Variants in DMXL2 observed in about 807,000 individuals in gnomAD.
DMXL2 encodes dmX-like protein 2.
Under a neutral mutation model 331.1 loss-of-function variants are expected in DMXL2, and 103 were observed. The ratio of observed to expected loss-of-function variants is 0.31; its 90% CI spans 0.27 to 0.37. The LOEUF is 0.37. DMXL2 is among the 10% of genes least tolerant of loss of function. The pLI is 1.00. For synonymous variants in DMXL2, 1,281 were observed against 1,252.1 expected (o/e 1.02, Z -0.49); for missense variants, 3,171 against 3,642.9 (o/e 0.87, Z 3.33).
intron 16 of DMXL2, among the ~76,000 whole-genome samples, chr15:51,503,732 A>C (rs1183903843): frequency 6.6e-6 from 1 of 152,208 alleles, no homozygotes; most frequent in Non-Finnish European, 1.5e-5. Context: ...CCCAATCCGA[A>C]GAAACAATAA....
chr15:51,576,289 C>T, intron 1 of DMXL2, 108 bp from the exon 2 acceptor site: 1 of 827,214 alleles, frequency 1.2e-6, no homozygotes, highest in Non-Finnish European at 1.7e-6. Context: ...TAAAGTATAC[C>T]TTGGGACATT....
At chr15:51,456,461 T>G in intron 37 of DMXL2, 92 bp from the exon 38 acceptor site, 2 of 785,410 alleles carry the variant, frequency 2.5e-6, no homozygotes, top group Non-Finnish European at 4.0e-6. Context: ...TTTATTCTCT[T>G]ACACCTTGCT....
chr15:51,592,779 G>C (rs931461242), intron 1 of DMXL2, among the ~76,000 whole-genome samples: 3 of 114,950 alleles, frequency 2.6e-5, no homozygotes, highest in Non-Finnish European at 4.1e-5. Context: ...TTAAAGAAAA[G>C]AATTTTCACC....
At chr15:51,552,102 T>C (rs771540438) in intron 6 of DMXL2, among the ~76,000 whole-genome samples, 3 of 152,178 alleles carry the variant, frequency 2.0e-5, no homozygotes, top group Non-Finnish European at 2.9e-5. Context: ...GAGCTTGGCA[T>C]ATTCAAGGCC....
rs776318561 is a variant in DMXL2, at chr15:51,464,682, G to A, written c.7801C>T (p.Pro2601Ser). 1.9e-6 allele frequency: 3 copies of A among 1,613,494 alleles called. No homozygotes were observed. Among genetic ancestry groups the A allele is most frequent in the East Asian group, 4.5e-5 (2 of 44,848 alleles). The change falls in exon 32 of 44, where the codon CCA (proline) becomes TCA (serine). Residue 2601 changes from proline (P) to serine (S), a missense_variant. Physicochemically the swap from Pro to Ser is moderately conservative, Grantham distance 74 (BLOSUM62 -1). Transcript: ENST00000560891. ...TTATAAGAGCTTTCTTACTTGAATGGGGTATTTTCAGGTTCTAGCATTGCT... is the reference window on the plus strand; with the variant it reads ...TTATAAGAGCTTTCTTACTTGAATGAGGTATTTTCAGGTTCTAGCATTGCT... ...NKAMLEPENT[P>S]FKSRDSSAFP...
intron 1 of DMXL2, among the ~76,000 whole-genome samples, chr15:51,588,697 T>C (rs2052050703): frequency 6.6e-6 from 1 of 152,208 alleles, no homozygotes; most frequent in Non-Finnish European, 1.5e-5. Context: ...TCAAATAGTA[T>C]GATTAAACTA....
intron 1 of DMXL2, among the ~76,000 whole-genome samples, chr15:51,596,531 G>A (rs540002508): frequency 7.4e-4 from 112 of 152,286 alleles, no homozygotes; most frequent in African/African-American, 2.6e-3. Context: ...CAGGGATCTT[G>A]AACTAGAAAT....
intron 2 of DMXL2, among the ~76,000 whole-genome samples, chr15:51,570,804 ACAACTGGTACCAGC>A (rs1412077576): frequency 2.6e-5 from 4 of 152,204 alleles, no homozygotes; most frequent in African/African-American, 9.7e-5. Context: ...ATGGAAAGGA[ACAACTGGTACCAGC>A]CACTGCAAAA....
intron 1 of DMXL2, among the ~76,000 whole-genome samples, chr15:51,580,146 C>A (rs544952776): frequency 6.6e-6 from 1 of 152,244 alleles, no homozygotes; most frequent in African/African-American, 2.4e-5. Flanking sequence ...ACAGTTTATA[C>A]AAAATCTATA....
intron 8 of DMXL2, 59 bp from the exon 9 acceptor site, chr15:51,542,566 A>C (rs1441247422): frequency 7.7e-7 from 1 of 1,299,240 alleles, no homozygotes; most frequent in Non-Finnish European, 1.1e-6. Flanking sequence ...ATGCCAACCA[A>C]AGTACTCTTA....
intron 33 of DMXL2, chr15:51,460,429 C>G: frequency 1.1e-6 from 1 of 945,408 alleles, no homozygotes; most frequent in Non-Finnish European, 1.3e-6. Context: ...ATGTGTGGCA[C>G]AGCTAACTCA....
At chr15:51,598,491 T>G (rs2052995032) in intron 1 of DMXL2, among the ~76,000 whole-genome samples, 1 of 152,202 alleles carries the variant, frequency 6.6e-6, no homozygotes, top group East Asian at 1.9e-4. Flanking sequence ...ACTGCTGCAA[T>G]AGTGTCCTTT....
chr15:51,516,028 T>C (rs887035741), intron 14 of DMXL2, among the ~76,000 whole-genome samples: 1 of 152,176 alleles, frequency 6.6e-6, no homozygotes, highest in Admixed American at 6.5e-5. Flanking sequence ...ATGTATTTTA[T>C]CTATATTAGC....
At chr15:51,507,318 T>A in intron 15 of DMXL2, 65 bp from the exon 16 acceptor site, 2 of 1,463,758 alleles carry the variant, frequency 1.4e-6, no homozygotes, top group Non-Finnish European at 1.8e-6. Context: ...AAACACTTTT[T>A]AAAAGCTACC....
At chr15:51,536,910 C>CA (rs749113926) in intron 11 of DMXL2, 48 bp from the exon 12 acceptor site, 62 of 1,429,612 alleles carry the variant, frequency 4.3e-5, no homozygotes, top group East Asian at 6.9e-5. Flanking sequence ...TACCTCCTCT[C>CA]AAAAAAAAGA....
At chr15:51,449,238 A>G in intron 43 of DMXL2, 45 bp from the exon 44 acceptor site, 2 of 1,600,056 alleles carry the variant, frequency 1.2e-6, no homozygotes, top group East Asian at 4.5e-5. Context: ...CGAAAAGACC[A>G]AAAGCAAAAA....
chr15:51,540,479 G>A (rs1025953876), intron 9 of DMXL2, among the ~76,000 whole-genome samples: 2 of 151,950 alleles, frequency 1.3e-5, no homozygotes, highest in African/African-American at 2.4e-5. Context: ...AAATGGTTCC[G>A]TCAAAAATAA....
chr15:51,572,246 A>T (rs2050720781), intron 2 of DMXL2, among the ~76,000 whole-genome samples: 1 of 120,912 alleles, frequency 8.3e-6, no homozygotes, highest in South Asian at 2.6e-4. Flanking sequence ...AAGAAGTTGA[A>T]TCCCTGAATA....
At position 51,612,507 on chromosome 15, in the gene DMXL2, G is replaced by A. The variant is rs556282297; in HGVS notation, c.87+9952C>T. On this transcript the variant is annotated intron_variant, in intron 1 of 43. Coordinates refer to ENST00000560891, the MANE Select transcript of DMXL2 (RefSeq NM_001378457.1). ...AAATTTTAAAGCTGGGTGTCCGGGG[G>A]AGACATCACATGTCAGCAGGTTCCG... Among the ~76,000 whole-genome samples the A allele has an allele frequency of 5.9e-5, 9 of 152,246 alleles. No homozygotes were observed. In the South Asian group the frequency reaches 8.3e-4, roughly 14 times the overall value.
Sources: gnomAD v4.1 joint callset for allele counts (sites outside exome capture counted in the v4.1 genomes callset) on GRCh38, gnomAD v4.1.1 for gene constraint, MANE v1.5 for transcripts, NCBI Gene and HGNC (gene_info 2026-07-23, HGNC 2026-07-21) for gene names.